The following MRPL48 variants were observed in gnomAD, a reference collection of about 807,000 sequenced individuals.
The protein encoded by MRPL48 is mitochondrial ribosomal protein L48.
In MRPL48, 16 loss-of-function variants were observed where a neutral mutation model predicts 32.9. That is an observed-to-expected ratio of 0.49 (90% CI 0.33 to 0.74). The LOEUF (loss-of-function observed/expected upper bound fraction) is 0.74, where lower values mean the gene tolerates loss of function less well. Ranked by LOEUF, MRPL48 falls within the 30% of genes least tolerant of loss-of-function variation. MRPL48 has a pLI of 0.02. For synonymous variants in MRPL48, 94 were observed against 89.2 expected (o/e 1.05, Z -0.31); for missense variants, 206 against 245.3 (o/e 0.84, Z 1.07).
intron 1 of MRPL48, among the ~76,000 whole-genome samples, chr11:73,793,090 A>G (rs1947181185): frequency 6.6e-6 from 1 of 151,944 alleles, no homozygotes; most frequent in Non-Finnish European, 1.5e-5. Flanking sequence ...TTTGAGATGG[A>G]GTTTTGCTCT....
chr11:73,864,811 A>G lies in MRPL48; in HGVS notation c.*441A>G, dbSNP rs1304372082. 1 of 171,296 alleles carries G rather than the reference A, an allele frequency of 5.8e-6. No individual in the cohort carries two copies. The highest frequency in any genetic ancestry group is 2.4e-5 in the African/African-American group (1 of 42,094). 10.6% of individuals were successfully genotyped at this position (171,296 alleles called of 1,614,324 possible). ...AAAAACATTCTTTTTTTTTTTTCCG[A>G]AACGGAGTCTCGCTCTGTTGCCCAG... is the stretch of plus-strand genomic sequence containing the variant. On this transcript the variant is annotated 3_prime_UTR_variant, in exon 8 of 8. Coordinates refer to ENST00000310614, the MANE Select transcript of MRPL48 (RefSeq NM_016055.6).
intron 4 of MRPL48, among the ~76,000 whole-genome samples, chr11:73,834,833 C>T (rs922324578): frequency 6.8e-6 from 1 of 147,522 alleles, no homozygotes; most frequent in African/African-American, 2.5e-5. Context: ...CCATGTCTGG[C>T]CTGTTTTTTT....
At chr11:73,798,349 C>G (rs1166586597) in intron 1 of MRPL48, among the ~76,000 whole-genome samples, 1 of 152,198 alleles carries the variant, frequency 6.6e-6, no homozygotes, top group East Asian at 1.9e-4. Context: ...TCGCCTCAGC[C>G]TCCCAAAGTG....
At chr11:73,845,212 AT>A (rs1948267834) in intron 5 of MRPL48, 1 of 348,540 alleles carries the variant, frequency 2.9e-6, no homozygotes, top group East Asian at 4.7e-5. Flanking sequence ...CCACAGACCA[AT>A]TTTCTGGCCC....
At chr11:73,829,446 C>G (rs1003025414) in intron 4 of MRPL48, among the ~76,000 whole-genome samples, 2 of 150,616 alleles carry the variant, frequency 1.3e-5, no homozygotes, top group Non-Finnish European at 3.0e-5. Flanking sequence ...GGCCCACTGC[C>G]CCTTGAATAC....
At chr11:73,814,961 G>A (rs151205742) in intron 3 of MRPL48, among the ~76,000 whole-genome samples, 24 of 150,276 alleles carry the variant, frequency 1.6e-4, no homozygotes, top group African/African-American at 5.9e-4. Context: ...GCCACTGCAC[G>A]TCAGCCAGGA....
chr11:73,864,658 A>G lies in MRPL48; in HGVS notation c.*288A>G. On this transcript the variant is annotated 3_prime_UTR_variant, in exon 8 of 8. Coordinates refer to ENST00000310614, the MANE Select transcript of MRPL48 (RefSeq NM_016055.6). ...TTGGCCCATCCTGTGGAGTATCTTTAAGAGATTCTATATTCTGGCCAGGCA... is the reference window on the plus strand; with the variant it reads ...TTGGCCCATCCTGTGGAGTATCTTTGAGAGATTCTATATTCTGGCCAGGCA... 2.5e-6 allele frequency: 1 copy of G among 404,376 alleles called. No individual in the cohort carries two copies. The highest frequency in any genetic ancestry group is 4.5e-6 in the Non-Finnish European group (1 of 220,088). The allele number at this position is 404,376 out of a possible 1,614,324, so 25.0% of individuals were successfully genotyped here.
intron 3 of MRPL48, among the ~76,000 whole-genome samples, chr11:73,813,159 T>C (rs1565409899): frequency 6.6e-6 from 1 of 151,910 alleles, no homozygotes; most frequent in Non-Finnish European, 1.5e-5. Context: ...ATTTGTTTCC[T>C]AATGAATTGC....
chr11:73,845,028 G>GT (rs1454974670), intron 5 of MRPL48, 52 bp downstream of exon 5: 5 of 1,530,362 alleles, frequency 3.3e-6, no homozygotes, highest in East Asian at 2.3e-5. Context: ...AGAATGCTCT[G>GT]TTTTTTTGTT....
At chr11:73,805,190 C>A in intron 2 of MRPL48, 111 bp downstream of exon 2, 2 of 856,878 alleles carry the variant, frequency 2.3e-6, no homozygotes, top group South Asian at 1.8e-5. Flanking sequence ...GCACATCATG[C>A]ATCTCCCCTG....
chr11:73,788,472 CTTTTTTT>C (rs11352308), intron 1 of MRPL48, among the ~76,000 whole-genome samples: 21 of 109,640 alleles, frequency 1.9e-4, no homozygotes, highest in Non-Finnish European at 2.9e-4. Context: ...TCTTTTCTTT[CTTTTTTT>C]TTTTTTTTTT....
intron 1 of MRPL48, among the ~76,000 whole-genome samples, chr11:73,804,540 G>A (rs527737120): frequency 3.9e-5 from 6 of 152,266 alleles, no homozygotes; most frequent in Non-Finnish European, 7.4e-5. Context: ...AAAGTGCTGG[G>A]ATTACAGGCA....
chr11:73,794,184 GTATCTATCTATCTATC>G (rs56944899), intron 1 of MRPL48, among the ~76,000 whole-genome samples: 7 of 139,294 alleles, frequency 5.0e-5, no homozygotes, highest in South Asian at 4.7e-4. Flanking sequence ...GTGAGACCCT[GTATCTATCTATCTATC>G]TATCTATCTA....
chr11:73,834,148 C>G (rs1948045881), intron 4 of MRPL48, among the ~76,000 whole-genome samples: 1 of 152,058 alleles, frequency 6.6e-6, no homozygotes, highest in Admixed American at 6.6e-5. Context: ...CACAGCTGGC[C>G]TAGAATTCAT....
rs1283992014 is a variant in MRPL48 at position 73,864,361 on chromosome 11, G to A, written c.630G>A (p.Lys210=). The part of the protein sequence containing the change: ...ARPELEELLA[K]LK The stretch of plus-strand genomic sequence containing the variant: ...CAGAACTGGAAGAACTGTTGGCCAA[G>A]TTGAAGTAGCTACTGTAGACCCTTT... The change falls in exon 8 of 8, where the codon AAG becomes AAA. Residue 210 remains lysine (K), a synonymous_variant. Coordinates refer to ENST00000310614, the MANE Select transcript of MRPL48 (RefSeq NM_016055.6). 1.2e-6 allele frequency: 2 copies of A among 1,613,874 alleles called. No homozygotes were observed. The highest frequency in any genetic ancestry group is 8.5e-7 in the Non-Finnish European group (1 of 1,179,838).
intron 4 of MRPL48, among the ~76,000 whole-genome samples, chr11:73,832,131 C>T (rs968184950): frequency 6.6e-6 from 1 of 152,014 alleles, no homozygotes; most frequent in African/African-American, 2.4e-5. Flanking sequence ...ATGGAGGCAA[C>T]ATGAATTTCT....
intron 4 of MRPL48, among the ~76,000 whole-genome samples, chr11:73,836,829 A>G (rs1005243606): frequency 3.3e-5 from 5 of 152,228 alleles, no homozygotes; most frequent in African/African-American, 1.2e-4. Context: ...AGGCCTAGAA[A>G]GGTCACACAG....
At chr11:73,847,402 T>C (rs1948312423) in intron 5 of MRPL48, among the ~76,000 whole-genome samples, 1 of 152,142 alleles carries the variant, frequency 6.6e-6, no homozygotes, top group Non-Finnish European at 1.5e-5. Context: ...CTTGTTTTCT[T>C]ATTGGGTCTT....
intron 3 of MRPL48, among the ~76,000 whole-genome samples, chr11:73,819,702 A>C (rs912082379): frequency 6.6e-6 from 1 of 152,014 alleles, no homozygotes; most frequent in Non-Finnish European, 1.5e-5. Flanking sequence ...GCATATCTAC[A>C]AGAAATCCAC....
Sources: gnomAD v4.1 joint callset for allele counts (sites outside exome capture counted in the v4.1 genomes callset) on GRCh38, gnomAD v4.1.1 for gene constraint, MANE v1.5 for transcripts, NCBI Gene and HGNC (gene_info 2026-07-23, HGNC 2026-07-21) for gene names.